Variants in RAB40B observed in about 807,000 individuals in gnomAD.
The protein encoded by RAB40B is ras-related protein Rab-40B.
A neutral mutation model predicts 24.0 loss-of-function variants in RAB40B; 21 were observed. The observed-to-expected ratio is 0.88, with a 90% CI of 0.62 to 1.26. RAB40B has a LOEUF of 1.26. Ranked by LOEUF, RAB40B falls within the 50% of genes most tolerant of loss-of-function variation. The pLI is 0.00. For missense variants in RAB40B, 348 were observed against 390.5 expected (o/e 0.89, Z 0.92); for synonymous variants, 167 against 169.8 (o/e 0.98, Z 0.13).
At chr17:82,687,421 C>T (rs1262967542) in intron 1 of RAB40B, among the ~76,000 whole-genome samples, 2 of 152,066 alleles carry the variant, frequency 1.3e-5, no homozygotes, top group South Asian at 2.1e-4. Context: ...AGTCCTATCA[C>T]GAGTCACAAA....
At chr17:82,664,317 G>C (rs982231958) in intron 2 of RAB40B, among the ~76,000 whole-genome samples, 179 bp downstream of exon 2, 1 of 132,228 alleles carries the variant, frequency 7.6e-6, no homozygotes, top group South Asian at 2.5e-4. Flanking sequence ...GGTGGGGCTG[G>C]TGGTGCTCCC....
intron 1 of RAB40B, among the ~76,000 whole-genome samples, chr17:82,679,474 G>C (rs2143523867): frequency 6.6e-6 from 1 of 151,696 alleles, no homozygotes; most frequent in Admixed American, 6.6e-5. Flanking sequence ...GTAGAGACAG[G>C]GTTTCACTGT....
At chr17:82,698,377 A>G in intron 1 of RAB40B, 78 bp downstream of exon 1, 1 of 21,390 alleles carries the variant, frequency 4.7e-5, no homozygotes, top group South Asian at 1.9e-3. Context: ...CCGGACCCCC[A>G]CCCGCACCCC....
intron 3 of RAB40B, among the ~76,000 whole-genome samples, chr17:82,660,148 CAG>C (rs1004466533): frequency 4.7e-4 from 71 of 151,882 alleles, no homozygotes; most frequent in African/African-American, 1.5e-3. Context: ...TACTCATGCA[CAG>C]ACGCACACAG....
intron 1 of RAB40B, among the ~76,000 whole-genome samples, chr17:82,673,593 A>G (rs147701659): frequency 1.9e-4 from 29 of 152,320 alleles, no homozygotes; most frequent in African/African-American, 5.8e-4. Flanking sequence ...CAATTGAGGG[A>G]GAAGATGCTT....
At chr17:82,664,627 G>T in intron 1 of RAB40B, 71 bp from the exon 2 acceptor site, 1 of 1,434,142 alleles carries the variant, frequency 7.0e-7, no homozygotes, top group Non-Finnish European at 9.7e-7. Flanking sequence ...TCACGTTCAG[G>T]GAAGAAAAGG....
chr17:82,696,335 G>T (rs996034276), intron 1 of RAB40B: 1 of 152,312 alleles, frequency 6.6e-6, no homozygotes, highest in Non-Finnish European at 1.5e-5. Context: ...CCAGAAGGAA[G>T]TTTCACAAAC....
In RAB40B at chr17:82,663,958, G is replaced by A. The variant is rs1193489940; in HGVS notation, c.203+538C>T. 1.3e-5 allele frequency among the ~76,000 whole-genome samples: 2 copies of A among 151,928 alleles called. No individual in the cohort carries two copies. The highest frequency in any genetic ancestry group is 2.9e-5 in the Non-Finnish European group (2 of 67,938). ...AGCCCTGGTGCAGCTGGGGCTGGGG[G>A]TGCTCCCCGGGGCGCTGTGCCGACG... On this transcript the variant is annotated intron_variant, in intron 2 of 5. Transcript: ENST00000571995. This position sits in a 1 kb window ranked among gnomAD's most constrained non-coding sequence, Gnocchi z 6.2.
At chr17:82,685,513 G>A (rs916506914) in intron 1 of RAB40B, among the ~76,000 whole-genome samples, 2 of 152,134 alleles carry the variant, frequency 1.3e-5, no homozygotes, top group Non-Finnish European at 2.9e-5. Context: ...GCAGTGAAAC[G>A]CTCAGATGGG....
rs1306995908 is a variant in RAB40B at position 82,675,275 on chromosome 17, T to A, written c.143-10719A>T. Among the ~76,000 whole-genome samples, 1 of 152,210 alleles carries A rather than the reference T, an allele frequency of 6.6e-6. No homozygotes were observed. Among genetic ancestry groups the A allele is most frequent in the Non-Finnish European group, 1.5e-5 (1 of 68,036 alleles). On this transcript the variant is annotated intron_variant, in intron 1 of 5. Transcript: ENST00000571995. The surrounding 1 kb of genome is among the most constrained non-coding windows in gnomAD (Gnocchi z 4.5). ...ACCAAAACTGGACTCAGTGTCTTCT[T>A]CAGCTGGCAGTTCCCATTAGCACAG...
In RAB40B at chr17:82,657,529, A is replaced by G; in HGVS notation, c.*334T>C. ...CCATTGAATTTATACTAATCACTCC[A>G]ATATCACCGTTCTTACAAAAGCAGT... On this transcript the variant is annotated 3_prime_UTR_variant, in exon 6 of 6. Transcript: ENST00000571995. 5 of 406,980 alleles carry G rather than the reference A, an allele frequency of 1.2e-5. No individual in the cohort carries two copies. The highest frequency in any genetic ancestry group is 6.2e-5 in the South Asian group (3 of 48,142). The allele number at this position is 406,980 out of a possible 1,614,324, so 25.2% of individuals were successfully genotyped here.
At chr17:82,671,197 G>A (rs943012928) in intron 1 of RAB40B, among the ~76,000 whole-genome samples, 18 of 128,274 alleles carry the variant, frequency 1.4e-4, no homozygotes, top group Admixed American at 2.4e-4. Context: ...CCCCACCCCC[G>A]TAACTCTAAC....
intron 1 of RAB40B, among the ~76,000 whole-genome samples, chr17:82,686,226 C>T (rs887059767): frequency 6.6e-6 from 1 of 151,806 alleles, no homozygotes; most frequent in Non-Finnish European, 1.5e-5. Context: ...ATTCTCCTGC[C>T]TCAGCCTCCT....
chr17:82,660,455 C>T (rs897949695), intron 3 of RAB40B, among the ~76,000 whole-genome samples: 34 of 148,202 alleles, frequency 2.3e-4, no homozygotes, highest in Non-Finnish European at 3.1e-4. Context: ...TGCAGATGCA[C>T]GCATACACAG....
rs544204771 is a variant in RAB40B, at chr17:82,660,755, A to C, written c.264+232T>G. ...ATACACAGTGCACGTACCTGCACAC[A>C]CGTGTACATGCACACACAGTCCCGT... On this transcript the variant is annotated intron_variant, in intron 3 of 5. Coordinates refer to ENST00000571995, the MANE Select transcript of RAB40B (RefSeq NM_006822.3). Among the ~76,000 whole-genome samples, 412 of 152,336 alleles carry C rather than the reference A, an allele frequency of 2.7e-3. 1 individual carries two copies. Among genetic ancestry groups the C allele is most frequent in the African/African-American group, 9.5e-3 (395 of 41,572 alleles).
At position 82,661,197 on chromosome 17, in the gene RAB40B, A is replaced by G. The variant is rs146323238; in HGVS notation, c.204-150T>C. 4.7e-4 allele frequency: 670 copies of G among 1,437,626 alleles called. 1 individual carries two copies. In the African/African-American group the frequency reaches 6.9e-3, roughly 15 times the overall value. 89.1% of individuals were successfully genotyped at this position (1,437,626 alleles called of 1,614,324 possible). A position where few individuals can be genotyped will look rare whatever the true frequency, so the allele number is the denominator to read the frequency against. ...CGTGAGACCCCAACAAAACTTTCCAATGTCCCTGAAGGGATCCGGGTGTTG... is the reference window on the plus strand; with the variant it reads ...CGTGAGACCCCAACAAAACTTTCCAGTGTCCCTGAAGGGATCCGGGTGTTG... On this transcript the variant is annotated intron_variant, in intron 2 of 5. Coordinates refer to ENST00000571995, the MANE Select transcript of RAB40B (RefSeq NM_006822.3).
chr17:82,677,370 C>G (rs1270238255), intron 1 of RAB40B, among the ~76,000 whole-genome samples: 1 of 152,200 alleles, frequency 6.6e-6, no homozygotes. Context: ...ATGAGATTCC[C>G]CTCAGAAAGA....
At chr17:82,685,237 G>A (rs1308478009) in intron 1 of RAB40B, among the ~76,000 whole-genome samples, 2 of 135,282 alleles carry the variant, frequency 1.5e-5, no homozygotes, top group African/African-American at 2.7e-5. Flanking sequence ...AGGGAGGACG[G>A]AGGAGGGAGG....
chr17:82,658,707 G>C lies in RAB40B; in HGVS notation c.349C>G (p.Pro117Ala). ...RWIKEIDEHA[P>A]GVPKILVGNR... ...CCCACCAGGATCTTGGGGACTCCGGGGGCATGCTAGCGGGCAGGAGAAAGG... is the reference window on the plus strand; with the variant it reads ...CCCACCAGGATCTTGGGGACTCCGGCGGCATGCTAGCGGGCAGGAGAAAGG... Residue 117 changes from proline (P) to alanine (A), a missense_variant, in exon 5 of 6, where the codon CCC (proline) becomes GCC (alanine). Coordinates refer to ENST00000571995, the MANE Select transcript of RAB40B (RefSeq NM_006822.3). The C allele has an allele frequency of 1.2e-6, 2 of 1,608,944 alleles. No homozygotes were observed. The highest frequency in any genetic ancestry group is 1.7e-6 in the Non-Finnish European group (2 of 1,177,358).
Sources: gnomAD v4.1 joint callset for allele counts (sites outside exome capture counted in the v4.1 genomes callset) on GRCh38, gnomAD v4.1.1 for gene constraint, Gnocchi (gnomAD v3.1) non-coding constraint, MANE v1.5 for transcripts, NCBI Gene and HGNC (gene_info 2026-07-23, HGNC 2026-07-21) for gene names.